Variants in ATE1 observed in about 807,000 individuals in gnomAD.
The protein encoded by ATE1 is arginyltransferase 1, also known as arginyl-tRNA--protein transferase 1.
In ATE1, 36 loss-of-function variants were observed where a neutral mutation model predicts 70.5. The observed-to-expected ratio is 0.51, with a 90% CI of 0.39 to 0.67. ATE1 has a LOEUF of 0.67. Ranked by LOEUF, ATE1 falls within the 30% of genes least tolerant of loss-of-function variation. The pLI is 0.00. For missense variants in ATE1, 593 were observed against 629.5 expected (o/e 0.94, Z 0.62); for synonymous variants, 232 against 219.3 (o/e 1.06, Z -0.51).
chr10:121,797,128 A>C (rs1946689214), intron 10 of ATE1, among the ~76,000 whole-genome samples: 1 of 152,222 alleles, frequency 6.6e-6, no homozygotes, highest in South Asian at 2.1e-4. Flanking sequence ...ATTAGTAATA[A>C]TTTCAGCAGA....
At chr10:121,826,931 A>G (rs1189911611) in intron 10 of ATE1, among the ~76,000 whole-genome samples, 3 of 152,320 alleles carry the variant, frequency 2.0e-5, no homozygotes, top group East Asian at 3.9e-4. Flanking sequence ...TTGTTGCTGC[A>G]AAGTACATAA....
At chr10:121,796,524 C>T (rs1390433334) in intron 10 of ATE1, among the ~76,000 whole-genome samples, 2 of 152,020 alleles carry the variant, frequency 1.3e-5, no homozygotes, top group African/African-American at 2.4e-5. Context: ...TACCTATGCA[C>T]GTCTATATTT....
At chr10:121,826,608 A>G (rs1010400612) in intron 10 of ATE1, among the ~76,000 whole-genome samples, 4 of 152,094 alleles carry the variant, frequency 2.6e-5, no homozygotes, top group African/African-American at 7.2e-5. Flanking sequence ...CCTAGCAACA[A>G]TAATTTTTTT....
In ATE1 at chr10:121,829,733, GA is replaced by G. The variant is rs2133684334; in HGVS notation, c.1257+6984del. On this transcript the variant is annotated intron_variant, in intron 10 of 11. Transcript: ENST00000224652. ...CAAAAAAAAAGAAAAAAAAAAGAAA[GA>G]AAAAAATCGCTCCTATTGAAGAAAT... 2.0e-5 allele frequency among the ~76,000 whole-genome samples: 3 copies of G among 151,212 alleles called. No homozygotes were observed. In the East Asian group the frequency reaches 5.8e-4, roughly 29 times the overall value.
At chr10:121,881,669 T>TC (rs751831648) in intron 7 of ATE1, among the ~76,000 whole-genome samples, 1 of 125,604 alleles carries the variant, frequency 8.0e-6, no homozygotes, top group Non-Finnish European at 1.6e-5. Context: ...TCCTGTCTCT[T>TC]AAAAAAAAAA....
chr10:121,804,359 T>A (rs570927089), intron 10 of ATE1, among the ~76,000 whole-genome samples: 1 of 152,188 alleles, frequency 6.6e-6, no homozygotes, highest in Admixed American at 6.5e-5. Context: ...CAAAAATGTA[T>A]GTCCTTAAAA....
At chr10:121,772,507 T>C (rs1281162879) in intron 11 of ATE1, among the ~76,000 whole-genome samples, 8 of 152,178 alleles carry the variant, frequency 5.3e-5, no homozygotes, top group Non-Finnish European at 1.2e-4. Flanking sequence ...GCAATGCTAA[T>C]GCAAGGGGCC....
intron 7 of ATE1, among the ~76,000 whole-genome samples, chr10:121,892,774 CA>C (rs955797842): frequency 3.3e-5 from 5 of 152,000 alleles, no homozygotes; most frequent in Admixed American, 2.6e-4. Flanking sequence ...CTTGGCCTCC[CA>C]AAGTGATCGG....
chr10:121,788,912 G>T (rs1434426957), intron 11 of ATE1, among the ~76,000 whole-genome samples: 1 of 152,198 alleles, frequency 6.6e-6, no homozygotes, highest in Non-Finnish European at 1.5e-5. Flanking sequence ...GCTAAATGCC[G>T]TGAGGACTAC....
chr10:121,801,241 T>C (rs1228265568), intron 10 of ATE1, among the ~76,000 whole-genome samples: 1 of 152,234 alleles, frequency 6.6e-6, no homozygotes, highest in Non-Finnish European at 1.5e-5. Flanking sequence ...CTGTATTTCT[T>C]TAATTAAAAT....
chr10:121,788,544 A>T (rs1160891987), intron 11 of ATE1, among the ~76,000 whole-genome samples: 1 of 152,152 alleles, frequency 6.6e-6, no homozygotes, highest in Non-Finnish European at 1.5e-5. Flanking sequence ...TACACAAAAA[A>T]CCTGATTTGT....
chr10:121,765,880 A>C (rs1453248742), intron 11 of ATE1, among the ~76,000 whole-genome samples: 1 of 152,218 alleles, frequency 6.6e-6, no homozygotes, highest in Non-Finnish European at 1.5e-5. Context: ...GTGGGGGCTA[A>C]AAAAACCAAT....
chr10:121,918,639 G>A (rs1951755009), intron 3 of ATE1, among the ~76,000 whole-genome samples: 1 of 152,084 alleles, frequency 6.6e-6, no homozygotes, highest in Admixed American at 6.5e-5. Context: ...GAAGACAAAT[G>A]ACTTCTGCCT....
chr10:121,786,232 T>G (rs888346590), intron 11 of ATE1, among the ~76,000 whole-genome samples: 13 of 46,704 alleles, frequency 2.8e-4, no homozygotes, highest in South Asian at 7.3e-4. Flanking sequence ...TTTTTTTTTT[T>G]GTAAATCTGG....
chr10:121,824,734 T>C (rs1413231531), intron 10 of ATE1, among the ~76,000 whole-genome samples: 1 of 152,148 alleles, frequency 6.6e-6, no homozygotes, highest in Non-Finnish European at 1.5e-5. Flanking sequence ...AAAAATTCAG[T>C]CAAAATACCT....
intron 3 of ATE1, among the ~76,000 whole-genome samples, chr10:121,921,981 G>A (rs538707530): frequency 1.3e-5 from 2 of 152,292 alleles, no homozygotes; most frequent in East Asian, 1.9e-4. Flanking sequence ...CAAGCACTGT[G>A]TCAAGCAATA....
At chr10:121,804,521 G>A (rs967581424) in intron 10 of ATE1, among the ~76,000 whole-genome samples, 1 of 152,172 alleles carries the variant, frequency 6.6e-6, no homozygotes, top group Non-Finnish European at 1.5e-5. Flanking sequence ...GTATAATTTT[G>A]ACAAGTTACT....
intron 8 of ATE1, among the ~76,000 whole-genome samples, chr10:121,862,530 TA>T (rs1290255507): frequency 1.6e-5 from 2 of 128,094 alleles, no homozygotes; most frequent in African/African-American, 5.9e-5. Context: ...TTAATTTTTT[TA>T]ATTTTTTTTT....
At position 121,826,975 on chromosome 10, in the gene ATE1, T is replaced by C. The variant is rs189537548; in HGVS notation, c.1257+9743A>G. On this transcript the variant is annotated intron_variant, in intron 10 of 11. Coordinates refer to ENST00000224652, the MANE Select transcript of ATE1 (RefSeq NM_001001976.3). ...TTTTTGATGACTGTGTAGTATTCCA[T>C]AGTATATCTGTATCACATTTTCTTT... is the stretch of plus-strand genomic sequence containing the variant. Among the ~76,000 whole-genome samples the C allele has an allele frequency of 6.6e-5, 10 of 152,220 alleles. No individual in the cohort carries two copies. The East Asian group carries it at 1.5e-3, about 24-fold the overall frequency.
Sources: gnomAD v4.1 joint callset for allele counts (sites outside exome capture counted in the v4.1 genomes callset) on GRCh38, gnomAD v4.1.1 for gene constraint, MANE v1.5 for transcripts, NCBI Gene and HGNC (gene_info 2026-07-23, HGNC 2026-07-21) for gene names.